Variants in GPC5 observed in about 807,000 individuals in gnomAD.
GPC5 encodes the protein glypican-5.
Under a neutral mutation model 53.9 loss-of-function variants are expected in GPC5, and 47 were observed. That is an observed-to-expected ratio of 0.87 (90% CI 0.69 to 1.11). The LOEUF is 1.11. Among genes scored for constraint, GPC5 ranks in the 50% most tolerant of loss-of-function variants. The pLI, the probability that GPC5 is intolerant of heterozygous loss-of-function variation, is 0.00. For synonymous variants in GPC5, 286 were observed against 263.3 expected, an observed-to-expected ratio of 1.09 and a Z score of -0.84; for missense variants, 748 against 713.1, an observed-to-expected ratio of 1.05 and a Z score of -0.56.
chr13:92,276,364 T>G (rs2042875745), intron 7 of GPC5, among the ~76,000 whole-genome samples: 1 of 152,242 alleles, frequency 6.6e-6, no homozygotes, highest in East Asian at 1.9e-4. Context: ...TACTTTCTTC[T>G]TACCATCTAA....
chr13:91,423,986 T>C (rs1346374182), intron 1 of GPC5, among the ~76,000 whole-genome samples: 2 of 152,226 alleles, frequency 1.3e-5, no homozygotes, highest in Non-Finnish European at 2.9e-5. Flanking sequence ...CAATGCATAC[T>C]TGGAATAAAG....
At chr13:91,625,955 A>T (rs1180824927) in intron 2 of GPC5, among the ~76,000 whole-genome samples, 1 of 152,094 alleles carries the variant, frequency 6.6e-6, no homozygotes, top group Non-Finnish European at 1.5e-5. Flanking sequence ...GCAGATATTT[A>T]GTCTTTCAAT....
chr13:92,302,455 G>A (rs1267744123), intron 7 of GPC5, among the ~76,000 whole-genome samples: 1 of 152,136 alleles, frequency 6.6e-6, no homozygotes, highest in Non-Finnish European at 1.5e-5. Context: ...TTACAGGAAA[G>A]AATGTAGCAG....
intron 7 of GPC5, among the ~76,000 whole-genome samples, chr13:92,794,863 C>G (rs1031714600): frequency 1.3e-5 from 2 of 151,970 alleles, no homozygotes; most frequent in African/African-American, 4.8e-5. Context: ...AACTACAAAC[C>G]AATGCTCAAT....
At chr13:92,394,008 T>C (rs1284725392) in intron 7 of GPC5, among the ~76,000 whole-genome samples, 1 of 152,198 alleles carries the variant, frequency 6.6e-6, no homozygotes, top group Non-Finnish European at 1.5e-5. Flanking sequence ...CTCCTTGTTA[T>C]CTTCTCAGAG....
intron 7 of GPC5, among the ~76,000 whole-genome samples, chr13:92,555,573 G>A (rs1437727920): frequency 2.0e-5 from 3 of 150,408 alleles, no homozygotes; most frequent in Non-Finnish European, 4.5e-5. Context: ...AATTGAAAAT[G>A]TCCTCTGTTT....
At chr13:92,200,987 ACAC>A (rs1197760927) in intron 7 of GPC5, among the ~76,000 whole-genome samples, 1 of 139,536 alleles carries the variant, frequency 7.2e-6, no homozygotes, top group African/African-American at 3.0e-5. Flanking sequence ...ACACACACAC[ACAC>A]ACACACACAC....
chr13:91,912,336 G>A (rs1040931107), intron 6 of GPC5, among the ~76,000 whole-genome samples: 12 of 152,006 alleles, frequency 7.9e-5, no homozygotes, highest in African/African-American at 2.2e-4. Flanking sequence ...AGGAGACAGA[G>A]TGAGACTCTG....
intron 5 of GPC5, among the ~76,000 whole-genome samples, chr13:91,864,690 G>A (rs1156359657): frequency 6.6e-6 from 1 of 151,988 alleles, no homozygotes; most frequent in African/African-American, 2.4e-5. Flanking sequence ...TCAAATTAAG[G>A]ACTTGCAAAA....
At chr13:91,523,619 A>G (rs1376601477) in intron 2 of GPC5, among the ~76,000 whole-genome samples, 3 of 152,224 alleles carry the variant, frequency 2.0e-5, no homozygotes, top group Non-Finnish European at 4.4e-5. Flanking sequence ...TTAGTTGTGT[A>G]GGATGAGTAA....
chr13:91,435,247 G>T (rs1042978643), intron 1 of GPC5, among the ~76,000 whole-genome samples: 2 of 152,158 alleles, frequency 1.3e-5, no homozygotes, highest in Admixed American at 6.5e-5. Flanking sequence ...GTGAGAGAGG[G>T]CATCCCTGTC....
intron 2 of GPC5, among the ~76,000 whole-genome samples, chr13:91,651,847 T>C (rs983515124): frequency 6.6e-6 from 1 of 152,208 alleles, no homozygotes; most frequent in African/African-American, 2.4e-5. Flanking sequence ...GATAACAAAT[T>C]ATCTTCTCAG....
chr13:92,249,587 G>A (rs968177739), intron 7 of GPC5, among the ~76,000 whole-genome samples: 1 of 152,024 alleles, frequency 6.6e-6, no homozygotes, highest in African/African-American at 2.4e-5. Flanking sequence ...TTATGGATTA[G>A]CATTGAGGGG....
intron 2 of GPC5, among the ~76,000 whole-genome samples, chr13:91,548,423 A>T (rs1208435146): frequency 2.0e-5 from 3 of 152,234 alleles, no homozygotes; most frequent in Non-Finnish European, 4.4e-5. Flanking sequence ...ACAGCTCTAT[A>T]TAAGAAAAAC....
At chr13:91,924,700 C>A (rs1355638621) in intron 6 of GPC5, among the ~76,000 whole-genome samples, 1 of 152,072 alleles carries the variant, frequency 6.6e-6, no homozygotes, top group Non-Finnish European at 1.5e-5. Context: ...GTGATTATGC[C>A]ACTGCATTCC....
intron 4 of GPC5, among the ~76,000 whole-genome samples, chr13:91,732,373 T>C (rs1424985619): frequency 6.8e-6 from 1 of 147,650 alleles, no homozygotes; most frequent in African/African-American, 2.6e-5. Context: ...CACTTTTTGA[T>C]GTTTTTTTTT....
At chr13:92,663,693 ATATATAT>A (rs1886437513) in intron 7 of GPC5, among the ~76,000 whole-genome samples, 4 of 141,648 alleles carry the variant, frequency 2.8e-5, no homozygotes, top group South Asian at 2.2e-4. Flanking sequence ...TATATCTACT[ATATATAT>A]TATATATCTA....
chr13:92,567,692 G>A (rs1286281759), intron 7 of GPC5, among the ~76,000 whole-genome samples: 1 of 152,098 alleles, frequency 6.6e-6, no homozygotes, highest in Non-Finnish European at 1.5e-5. Flanking sequence ...GCCTCTAGAA[G>A]CTAAAAAGAC....
intron 7 of GPC5, among the ~76,000 whole-genome samples, chr13:92,860,264 G>T (rs1435122119): frequency 6.6e-6 from 1 of 152,044 alleles, no homozygotes; most frequent in Non-Finnish European, 1.5e-5. Context: ...TGTTTCACAA[G>T]GAATAGAAAA....
Sources: gnomAD v4.1 joint callset for allele counts (sites outside exome capture counted in the v4.1 genomes callset) on GRCh38, gnomAD v4.1.1 for gene constraint, MANE v1.5 for transcripts, NCBI Gene and HGNC (gene_info 2026-07-23, HGNC 2026-07-21) for gene names.